The following ATP23 variants were observed in gnomAD, a reference collection of about 807,000 sequenced individuals.
ATP23 encodes ATP23 metallopeptidase and ATP synthase assembly factor homolog.
In ATP23, 24 loss-of-function variants were observed where a neutral mutation model predicts 28.5. That is an observed-to-expected ratio of 0.84 (90% confidence interval 0.61 to 1.18). ATP23 has a LOEUF of 1.18. Among genes scored for constraint, ATP23 ranks in the 50% most tolerant of loss-of-function variants. The probability of loss-of-function intolerance (pLI) is 0.00; values close to 1 mark genes in which losing one functional copy is unlikely to be tolerated. For missense variants in ATP23, 274 were observed against 306.4 expected (o/e 0.89, Z 0.79); for synonymous variants, 99 against 108.6 (o/e 0.91, Z 0.55).
chr12:57,952,517 A>G (rs1029747094), intron 4 of ATP23, among the ~76,000 whole-genome samples: 2 of 152,208 alleles, frequency 1.3e-5, no homozygotes, highest in Non-Finnish European at 2.9e-5. Context: ...AGCACGTTGG[A>G]TTGCTCTTGG....
At chr12:57,948,065 C>CT in intron 3 of ATP23, among the ~76,000 whole-genome samples, 1 of 152,122 alleles carries the variant, frequency 6.6e-6, no homozygotes, top group Non-Finnish European at 1.5e-5. Context: ...TGCTTATTAT[C>CT]TGTGGGGCTT....
intron 1 of ATP23, among the ~76,000 whole-genome samples, chr12:57,944,357 C>T (rs1012214300): frequency 3.3e-5 from 5 of 151,940 alleles, no homozygotes; most frequent in Non-Finnish European, 7.4e-5. Flanking sequence ...TGGGTTACAT[C>T]ATATAATTGG....
At chr12:57,946,867 C>T (rs1343708755) in intron 2 of ATP23, 128 bp from the exon 3 acceptor site, 2 of 691,810 alleles carry the variant, frequency 2.9e-6, no homozygotes, top group Admixed American at 2.9e-5. Flanking sequence ...GTTTCTTTCC[C>T]AAGATTTCCT....
At chr12:57,946,085 C>T (rs1956757885) in intron 2 of ATP23, among the ~76,000 whole-genome samples, 1 of 151,914 alleles carries the variant, frequency 6.6e-6, no homozygotes, top group Non-Finnish European at 1.5e-5. Context: ...AGACTGGTCT[C>T]GAACTCCTGT....
Position 57,957,425 on chromosome 12 carries a change from CT to C in ATP23, c.*540del, listed in dbSNP as rs1361363431. Among the ~76,000 whole-genome samples, 1 of 152,072 alleles carries C rather than the reference CT, an allele frequency of 6.6e-6. No individual in the cohort carries two copies. The highest frequency in any genetic ancestry group is 1.5e-5 in the Non-Finnish European group (1 of 67,996). ...GGGACAGTCCTGGTTAGATCTTTTT[CT>C]TTTTAATAAAGGCAGTGCTCGAATT... On this transcript the variant is annotated 3_prime_UTR_variant, in exon 6 of 6. Coordinates refer to ENST00000300145, the MANE Select transcript of ATP23 (RefSeq NM_033276.4).
At chr12:57,950,029 C>A (rs1956799777) in intron 3 of ATP23, among the ~76,000 whole-genome samples, 1 of 152,198 alleles carries the variant, frequency 6.6e-6, no homozygotes, top group South Asian at 2.1e-4. Context: ...CTAAATAACT[C>A]TTTTGGCTTC....
intron 5 of ATP23, 102 bp downstream of exon 5, chr12:57,953,791 T>A: frequency 9.7e-7 from 1 of 1,026,892 alleles, no homozygotes; most frequent in Admixed American, 2.1e-5. Context: ...TTGAAAGAAC[T>A]TCGTATGTGA....
intron 1 of ATP23, among the ~76,000 whole-genome samples, chr12:57,943,981 CTTT>C (rs766959594): frequency 4.2e-5 from 4 of 94,996 alleles, no homozygotes; most frequent in Admixed American, 1.1e-4. Context: ...ATGGGAGTCT[CTTT>C]TTTTTTTTTT....
intron 3 of ATP23, among the ~76,000 whole-genome samples, chr12:57,948,865 T>C (rs1956788873): frequency 6.6e-6 from 1 of 152,240 alleles, no homozygotes. Context: ...AGTTGCCTGC[T>C]TTTGAGCTTT....
chr12:57,956,532 C>G (rs1057015060), intron 5 of ATP23, among the ~76,000 whole-genome samples, 155 bp from the exon 6 acceptor site: 7 of 151,936 alleles, frequency 4.6e-5, no homozygotes, highest in African/African-American at 1.2e-4. Context: ...TGTTATGGAT[C>G]TTTGTTCATT....
In ATP23 at chr12:57,953,809, A is replaced by G. The variant is rs536717544; in HGVS notation, c.537+120A>G. Reference sequence around the variant, plus strand: ...AAAGAACTTCGTATGTGAAAAGAATACAAAGTATGTACCATTTAAACAAAG... The same window carrying G: ...AAAGAACTTCGTATGTGAAAAGAATGCAAAGTATGTACCATTTAAACAAAG... On this transcript the variant is annotated intron_variant, in intron 5 of 5. Transcript: ENST00000300145. The G allele has an allele frequency of 8.9e-5, 78 of 874,576 alleles. 1 individual carries two copies. In the Middle Eastern group the frequency reaches 1.3e-3, roughly 15 times the overall value. The allele number at this position is 874,576 out of a possible 1,614,324, so 54.2% of individuals were successfully genotyped here.
In ATP23 at chr12:57,958,895, AT is replaced by A. The variant is rs1322758269; in HGVS notation, c.*2008del. On this transcript the variant is annotated 3_prime_UTR_variant, in exon 6 of 6. Transcript: ENST00000300145. ...GATTCAAACCAAGAAGAAATCCCTGATTTACCTGAAAAAGAATTCAGGAGGT... is the reference window on the plus strand; with the variant it reads ...GATTCAAACCAAGAAGAAATCCCTGATTACCTGAAAAAGAATTCAGGAGGT... 1.3e-5 allele frequency among the ~76,000 whole-genome samples: 2 copies of A among 152,210 alleles called. No homozygotes were observed. The highest frequency in any genetic ancestry group is 1.5e-5 in the Non-Finnish European group (1 of 68,036).
rs1293126817 is a variant in ATP23, at chr12:57,947,093, A to G, written c.315+17A>G. The stretch of plus-strand genomic sequence containing the variant: ...ACATCTCAGGTAGGCATTATTGCCA[A>G]ATTGTTTCCTTCCCTTTAATCCTCT... On this transcript the variant is annotated intron_variant, in intron 3 of 5. Coordinates refer to ENST00000300145, the MANE Select transcript of ATP23 (RefSeq NM_033276.4). 5 of 1,610,476 alleles carry G rather than the reference A, an allele frequency of 3.1e-6. No homozygotes were observed. The Admixed American group carries it at 5.0e-5, about 16-fold the overall frequency.
In ATP23 at chr12:57,951,830, G is replaced by A. The variant is rs1592278541; in HGVS notation, c.388G>A (p.Ala130Thr). 2 of 1,614,130 alleles carry A rather than the reference G, an allele frequency of 1.2e-6. No homozygotes were observed. The highest frequency in any genetic ancestry group is 1.7e-6 in the Non-Finnish European group (2 of 1,180,022). ...AGTGGTCACACACGAGCTTATTCAT[G>A]CATTTGATCATTGTCGTGCCCATGT... Reference protein sequence around the residue: ...NRVVTHELIHAFDHCRAHVDW... With the variant: ...NRVVTHELIHTFDHCRAHVDW... Residue 130 changes from alanine to threonine, a missense_variant, in exon 4 of 6, where the codon GCA becomes ACA. Coordinates refer to ENST00000300145, the MANE Select transcript of ATP23 (RefSeq NM_033276.4).
chr12:57,957,979 C>G lies in ATP23; in HGVS notation c.*1089C>G, dbSNP rs1731256162. Among the ~76,000 whole-genome samples the G allele has an allele frequency of 6.6e-6, 1 of 152,158 alleles. No homozygotes were observed. The highest frequency in any genetic ancestry group is 2.4e-5 in the African/African-American group (1 of 41,444). ...TCTTTCACAGCTGGGAGGTGGGTAG[C>G]CTGGGGCAAGTTTTCAAGCCTGTCT... is the stretch of plus-strand genomic sequence containing the variant. On this transcript the variant is annotated 3_prime_UTR_variant, in exon 6 of 6. Transcript: ENST00000300145.
chr12:57,956,663 C>T, intron 5 of ATP23, 24 bp from the exon 6 acceptor site: 5 of 1,530,986 alleles, frequency 3.3e-6, no homozygotes, highest in Non-Finnish European at 3.5e-6. Context: ...AAAATTAGAG[C>T]CTCATACTTT....
chr12:57,942,592 T>A (rs1956717458), intron 1 of ATP23, among the ~76,000 whole-genome samples: 1 of 151,946 alleles, frequency 6.6e-6, no homozygotes, highest in Non-Finnish European at 1.5e-5. Flanking sequence ...CCCTGCTAAT[T>A]TTTTGTATTT....
At chr12:57,945,729 C>G (rs1459449639) in intron 2 of ATP23, 56 bp downstream of exon 2, 9 of 1,512,386 alleles carry the variant, frequency 6.0e-6, no homozygotes, top group Admixed American at 3.4e-5. Flanking sequence ...AAACAAAAAC[C>G]AAGTTCTCTT....
In ATP23 at chr12:57,958,420, G is replaced by T. The variant is rs1304146660; in HGVS notation, c.*1530G>T. ...GGAAAGCGCTACCTCCTGGCAGGAG[G>T]CCAGCCAGCACAAAAATAGAGCCTT... On this transcript the variant is annotated 3_prime_UTR_variant, in exon 6 of 6. Coordinates refer to ENST00000300145, the MANE Select transcript of ATP23 (RefSeq NM_033276.4). 1.3e-5 allele frequency among the ~76,000 whole-genome samples: 2 copies of T among 152,154 alleles called. No homozygotes were observed.
Sources: allele counts gnomAD v4.1 joint callset (sites outside exome capture counted in the v4.1 genomes callset), GRCh38; gene constraint gnomAD v4.1.1; transcripts MANE v1.5; gene names NCBI Gene and HGNC (gene_info 2026-07-23, HGNC 2026-07-21).